RPS6KA5: variants seen among roughly 807,000 people sequenced by gnomAD.
RPS6KA5 encodes the protein ribosomal protein S6 kinase alpha-5.
RPS6KA5 carries 27 observed loss-of-function variants against 85.5 expected under a neutral mutation model. The ratio of observed to expected loss-of-function variants is 0.32; its 90% CI spans 0.23 to 0.44. The LOEUF (loss-of-function observed/expected upper bound fraction) is 0.44. Among genes scored for constraint, RPS6KA5 ranks in the 20% least tolerant of loss-of-function variants. RPS6KA5 has a pLI of 1.00. For synonymous variants in RPS6KA5, 334 were observed against 348.2 expected, an observed-to-expected ratio of 0.96 and a Z score of 0.46; for missense variants, 811 against 980.9, an observed-to-expected ratio of 0.83 and a Z score of 2.31.
intron 7 of RPS6KA5, among the ~76,000 whole-genome samples, chr14:90,915,143 T>C (rs117478470): frequency 3.2e-3 from 494 of 152,304 alleles, no homozygotes; most frequent in Non-Finnish European, 5.3e-3. Context: ...GTAGTTACTC[T>C]ATACATGACT....
At chr14:91,011,190 T>C (rs2041240289) in intron 1 of RPS6KA5, among the ~76,000 whole-genome samples, 1 of 151,738 alleles carries the variant, frequency 6.6e-6, no homozygotes, top group African/African-American at 2.4e-5. Context: ...CTGGACAAAA[T>C]GGAAACTAAA....
At chr14:90,909,584 G>C (rs747760348) in intron 7 of RPS6KA5, among the ~76,000 whole-genome samples, 3 of 152,102 alleles carry the variant, frequency 2.0e-5, no homozygotes, top group African/African-American at 7.2e-5. Context: ...TAGAACATGG[G>C]TGGCTTTAAT....
chr14:90,939,359 C>G (rs918570756), intron 5 of RPS6KA5, among the ~76,000 whole-genome samples: 1 of 152,220 alleles, frequency 6.6e-6, no homozygotes, highest in Non-Finnish European at 1.5e-5. Context: ...CTGTCTTCTT[C>G]TGAGCCCTCC....
chr14:90,961,795 C>T (rs753316893), intron 3 of RPS6KA5, among the ~76,000 whole-genome samples: 7 of 152,134 alleles, frequency 4.6e-5, no homozygotes, highest in Non-Finnish European at 1.0e-4. Flanking sequence ...GTAGTGAACC[C>T]TGGGCTGTTT....
intron 5 of RPS6KA5, among the ~76,000 whole-genome samples, chr14:90,938,561 G>A (rs1026695206): frequency 6.6e-6 from 1 of 152,204 alleles, no homozygotes; most frequent in African/African-American, 2.4e-5. Context: ...GTCTGCCTGG[G>A]CATCCAGGTG....
intron 1 of RPS6KA5, among the ~76,000 whole-genome samples, chr14:91,001,712 C>T (rs2040805005): frequency 6.6e-6 from 1 of 152,176 alleles, no homozygotes; most frequent in Non-Finnish European, 1.5e-5. Context: ...GGATCCCTGT[C>T]AGCTCTAAAA....
chr14:90,879,538 G>T (rs1005341902), intron 14 of RPS6KA5, among the ~76,000 whole-genome samples: 1 of 152,118 alleles, frequency 6.6e-6, no homozygotes, highest in Non-Finnish European at 1.5e-5. Context: ...TTTTATGGGT[G>T]CACGACCCAC....
chr14:90,873,703 G>C lies in RPS6KA5; in HGVS notation c.2089C>G (p.Pro697Ala), dbSNP rs767977575. The C allele has an allele frequency of 3.7e-5, 60 of 1,614,024 alleles. 1 individual carries two copies. The highest frequency in any genetic ancestry group is 5.1e-5 in the Non-Finnish European group (60 of 1,180,000). The change falls in exon 16 of 17, where the codon CCT becomes GCT. Residue 697 changes from proline (P) to alanine (A), a missense_variant. Pro to Ala is a conservative substitution (Grantham distance 27, BLOSUM62 -1). Transcript: ENST00000614987. Reference sequence around the variant, plus strand: ...CCTAGAATATCCGGAGTCATCAGAGGATTGGAGGACAGCTGACTTCCATCT... The same window carrying C: ...CCTAGAATATCCGGAGTCATCAGAGCATTGGAGGACAGCTGACTTCCATCT... ...LQDGSQLSSNPLMTPDILGSS... is the reference protein window; with the variant it reads ...LQDGSQLSSNALMTPDILGSS...
intron 1 of RPS6KA5, among the ~76,000 whole-genome samples, chr14:91,044,175 C>T (rs1198450928): frequency 2.7e-5 from 4 of 149,876 alleles, no homozygotes; most frequent in South Asian, 2.1e-4. Flanking sequence ...TGCAGTGAGT[C>T]GAGATCGCGC....
In RPS6KA5 at chr14:90,932,494, A is replaced by G. The variant is rs117560825; in HGVS notation, c.619-9298T>C. On this transcript the variant is annotated intron_variant, in intron 5 of 16. Coordinates refer to ENST00000614987, the MANE Select transcript of RPS6KA5 (RefSeq NM_004755.4). ...GGTCTTAATAGTACCCAGCAAACAC[A>G]TTCATTTCCCTAATCCGTTCACTCT... 8.4e-3 allele frequency among the ~76,000 whole-genome samples: 1,274 copies of G among 152,244 alleles called. 10 individuals are homozygous for G. The highest frequency in any genetic ancestry group is 0.012 in the Non-Finnish European group (798 of 67,998).
intron 1 of RPS6KA5, among the ~76,000 whole-genome samples, chr14:91,028,809 C>T (rs988704963): frequency 1.3e-5 from 2 of 152,130 alleles, no homozygotes; most frequent in African/African-American, 2.4e-5. Context: ...TGAGCCACTG[C>T]GCCCAGCCTA....
chr14:90,909,143 T>C (rs2035669183), intron 7 of RPS6KA5, among the ~76,000 whole-genome samples: 1 of 152,232 alleles, frequency 6.6e-6, no homozygotes, highest in African/African-American at 2.4e-5. Context: ...CTATGCAGAA[T>C]GGGCACTGCA....
chr14:90,926,065 G>A (rs1230925882), intron 5 of RPS6KA5, among the ~76,000 whole-genome samples: 6 of 151,948 alleles, frequency 3.9e-5, no homozygotes, highest in African/African-American at 1.5e-4. Flanking sequence ...AAGAAAGACA[G>A]TAAATTAGAG....
rs1311184507 is a variant in RPS6KA5 at position 90,863,685 on chromosome 14, T to C, written c.*8389A>G. On this transcript the variant is annotated 3_prime_UTR_variant, in exon 17 of 17. Coordinates refer to ENST00000614987, the MANE Select transcript of RPS6KA5 (RefSeq NM_004755.4). ...AAAGTAAAACTGTCAAAAACCTAGA[T>C]ATAAATCTAACCTCTACATGTAAAT... 2.6e-5 allele frequency: 4 copies of C among 152,166 alleles called. No individual in the cohort carries two copies. The highest frequency in any genetic ancestry group is 5.9e-5 in the Non-Finnish European group (4 of 68,022). The allele number at this position is 152,166 out of a possible 1,614,324, so 9.4% of individuals were successfully genotyped here.
chr14:90,849,170 T>C lies in RPS6KA5; in HGVS notation c.*22904A>G, dbSNP rs2031862693. On this transcript the variant is annotated 3_prime_UTR_variant, in exon 17 of 17. Coordinates refer to ENST00000614987, the MANE Select transcript of RPS6KA5 (RefSeq NM_004755.4). ...AGGCACCTTGGTGGTCTGAATCTAA[T>C]AGATGCCACTCTCAAATTCTGAGGA... is the stretch of plus-strand genomic sequence containing the variant. 1 of 152,238 alleles carries C rather than the reference T, an allele frequency of 6.6e-6. No individual in the cohort carries two copies. The highest frequency in any genetic ancestry group is 2.4e-5 in the African/African-American group (1 of 41,462). 9.4% of individuals were successfully genotyped at this position (152,238 alleles called of 1,614,324 possible). A position where few individuals can be genotyped will look rare whatever the true frequency, so the allele number is the denominator to read the frequency against.
intron 5 of RPS6KA5, among the ~76,000 whole-genome samples, chr14:90,927,923 C>CTTTCTTTCT (rs1555363687): frequency 1.0e-4 from 14 of 135,840 alleles, no homozygotes; most frequent in African/African-American, 2.8e-4. Flanking sequence ...TTTTCTCTTT[C>CTTTCTTTCT]TTTCTTTTCT....
intron 1 of RPS6KA5, among the ~76,000 whole-genome samples, chr14:91,058,809 AC>A (rs2043448605): frequency 6.6e-6 from 1 of 152,226 alleles, no homozygotes; most frequent in Non-Finnish European, 1.5e-5. Flanking sequence ...GACCAAAAAA[AC>A]AATGTTTACA....
chr14:91,031,656 G>C (rs1274917219), intron 1 of RPS6KA5, among the ~76,000 whole-genome samples: 1 of 151,932 alleles, frequency 6.6e-6, no homozygotes, highest in Non-Finnish European at 1.5e-5. Context: ...CTCAAAGAAA[G>C]CTAAGTGAAT....
intron 3 of RPS6KA5, among the ~76,000 whole-genome samples, chr14:90,961,631 G>A (rs1289041364): frequency 6.6e-6 from 1 of 151,986 alleles, no homozygotes; most frequent in African/African-American, 2.4e-5. Context: ...GAATGTCACA[G>A]TAATCAAAAG....
Sources: gnomAD v4.1 joint callset for allele counts (sites outside exome capture counted in the v4.1 genomes callset) on GRCh38, gnomAD v4.1.1 for gene constraint, MANE v1.5 for transcripts, NCBI Gene and HGNC (gene_info 2026-07-23, HGNC 2026-07-21) for gene names.